Variants in SNTB1 observed in about 807,000 individuals in gnomAD.
SNTB1 encodes the protein syntrophin beta 1.
In SNTB1, 36 loss-of-function variants were observed where a neutral mutation model predicts 48.9. The observed-to-expected ratio is 0.74, with a 90% CI of 0.56 to 0.97. The LOEUF (loss-of-function observed/expected upper bound fraction) is 0.97, where lower values mean the gene tolerates loss of function less well. Among genes scored for constraint, SNTB1 ranks in the 50% least tolerant of loss-of-function variants. SNTB1 has a pLI of 0.00. For missense variants in SNTB1, 786 were observed against 703.4 expected, an observed-to-expected ratio of 1.12 and a Z score of -1.33; for synonymous variants, 299 against 294.6, an observed-to-expected ratio of 1.01 and a Z score of -0.15.
At chr8:120,735,726 G>C (rs1818930543) in intron 1 of SNTB1, among the ~76,000 whole-genome samples, 1 of 152,134 alleles carries the variant, frequency 6.6e-6, no homozygotes, top group Admixed American at 6.6e-5. Context: ...ATGTCTGCTG[G>C]CCAAGCCATA....
At chr8:120,571,632 G>A (rs1815854615) in intron 4 of SNTB1, among the ~76,000 whole-genome samples, 7 of 151,714 alleles carry the variant, frequency 4.6e-5, no homozygotes. Flanking sequence ...TGAGCAGCTG[G>A]GAACCACAGT....
At chr8:120,751,500 C>T (rs1819213847) in intron 1 of SNTB1, among the ~76,000 whole-genome samples, 1 of 151,978 alleles carries the variant, frequency 6.6e-6, no homozygotes, top group African/African-American at 2.4e-5. Context: ...GAAATCTGTC[C>T]CCATGATCAT....
At chr8:120,592,555 C>A (rs746198282) in intron 3 of SNTB1, among the ~76,000 whole-genome samples, 5 of 152,098 alleles carry the variant, frequency 3.3e-5, no homozygotes, top group Non-Finnish European at 7.4e-5. Context: ...AATATGTATT[C>A]TTTCATGCTA....
chr8:120,582,965 T>C (rs909204740), intron 3 of SNTB1, among the ~76,000 whole-genome samples: 5 of 152,076 alleles, frequency 3.3e-5, no homozygotes, highest in African/African-American at 1.2e-4. Flanking sequence ...CATCACTACA[T>C]AGTCTGCAGA....
chr8:120,747,074 AAG>A (rs200986780), intron 1 of SNTB1, among the ~76,000 whole-genome samples: 1 of 115,866 alleles, frequency 8.6e-6, no homozygotes, highest in African/African-American at 4.1e-5. Flanking sequence ...TTAAGTAAAA[AAG>A]AAAAAAAAAG....
chr8:120,542,710 C>CCACA (rs5894525), intron 5 of SNTB1, among the ~76,000 whole-genome samples: 2 of 149,524 alleles, frequency 1.3e-5, no homozygotes, highest in Admixed American at 6.7e-5. Context: ...ACCTTATCAT[C>CCACA]CACACACACA....
chr8:120,602,230 AG>A (rs2130720227), intron 3 of SNTB1, among the ~76,000 whole-genome samples: 1 of 152,346 alleles, frequency 6.6e-6, no homozygotes, highest in Non-Finnish European at 1.5e-5. Context: ...CACACAGGTG[AG>A]TGTGCAAATG....
intron 2 of SNTB1, among the ~76,000 whole-genome samples, chr8:120,636,328 G>C (rs1587050734): frequency 6.9e-6 from 1 of 145,976 alleles, no homozygotes; most frequent in South Asian, 2.2e-4. Flanking sequence ...TGCCATGCTG[G>C]TGCGCTGCAC....
chr8:120,711,842 A>G (rs1196796351), intron 1 of SNTB1, among the ~76,000 whole-genome samples: 1 of 152,156 alleles, frequency 6.6e-6, no homozygotes, highest in Non-Finnish European at 1.5e-5. Context: ...AGTAGTATAT[A>G]TTGTTTGTCA....
chr8:120,810,630 C>G (rs768868858), intron 1 of SNTB1, among the ~76,000 whole-genome samples: 2 of 152,246 alleles, frequency 1.3e-5, no homozygotes, highest in South Asian at 4.1e-4. Flanking sequence ...GAATTTTTCC[C>G]AAAACTGCAA....
intron 1 of SNTB1, among the ~76,000 whole-genome samples, chr8:120,732,755 A>G (rs558282547): frequency 6.6e-6 from 1 of 152,332 alleles, no homozygotes; most frequent in East Asian, 1.9e-4. Flanking sequence ...CTGAGGCAGG[A>G]GAATCATTTG....
intron 3 of SNTB1, among the ~76,000 whole-genome samples, chr8:120,583,514 AAC>A (rs10524445): frequency 0.034 from 4,875 of 143,036 alleles, 179 homozygotes; most frequent in African/African-American, 0.093. Flanking sequence ...TCCGTCTCAA[AAC>A]ACACACACAC....
chr8:120,735,017 G>T (rs1414921219), intron 1 of SNTB1, among the ~76,000 whole-genome samples: 1 of 152,186 alleles, frequency 6.6e-6, no homozygotes, highest in African/African-American at 2.4e-5. Context: ...GTCAGGAAAA[G>T]CAGTCAAACT....
intron 3 of SNTB1, among the ~76,000 whole-genome samples, chr8:120,630,597 C>T (rs889126918): frequency 4.6e-5 from 7 of 152,196 alleles, no homozygotes; most frequent in African/African-American, 1.4e-4. Context: ...AGAAACTTAA[C>T]CAAGTGAGAG....
In SNTB1 at chr8:120,576,718, TG is replaced by T. The variant is rs983875466; in HGVS notation, c.997-1494del. On this transcript the variant is annotated intron_variant, in intron 3 of 6. Transcript: ENST00000517992. ...CCCAGTTTACTAGCTGTGGGGGTCTTGGGCAAGTCAACTAATTTCTTTGTAT... is the reference window on the plus strand; with the variant it reads ...CCCAGTTTACTAGCTGTGGGGGTCTTGGCAAGTCAACTAATTTCTTTGTAT... 7.9e-4 allele frequency among the ~76,000 whole-genome samples: 120 copies of T among 152,304 alleles called. 1 individual carries two copies. The highest frequency in any genetic ancestry group is 2.6e-3 in the African/African-American group (109 of 41,552).
Position 120,754,726 on chromosome 8 carries a change from G to A in SNTB1, c.571+56547C>T, listed in dbSNP as rs551676009. On this transcript the variant is annotated intron_variant, in intron 1 of 6. Transcript: ENST00000517992. ...GAAAAGCAATGGGAGAAGCTGGTTT[G>A]AAGGCCAGTCCTTCAGTGTACTGTC... Among the ~76,000 whole-genome samples the A allele has an allele frequency of 3.9e-5, 6 of 152,278 alleles. No individual in the cohort carries two copies. The East Asian group carries it at 1.2e-3, about 29-fold the overall frequency.
chr8:120,693,997 G>T, intron 1 of SNTB1, 89 bp from the exon 2 acceptor site: 1 of 1,028,030 alleles, frequency 9.7e-7, no homozygotes, highest in South Asian at 1.3e-5. Flanking sequence ...GACTTGCTTT[G>T]GATAAGCTCT....
intron 1 of SNTB1, among the ~76,000 whole-genome samples, chr8:120,726,882 C>T (rs1394129370): frequency 6.6e-6 from 1 of 152,186 alleles, no homozygotes; most frequent in Non-Finnish European, 1.5e-5. Context: ...GCATTACTAG[C>T]ACTAATAGTC....
intron 1 of SNTB1, among the ~76,000 whole-genome samples, chr8:120,771,625 G>C (rs75037499): frequency 2.0e-5 from 3 of 151,716 alleles, no homozygotes. Flanking sequence ...ACTTCAGCTC[G>C]AGGGTGTGAC....
Sources: gnomAD v4.1 joint callset for allele counts (sites outside exome capture counted in the v4.1 genomes callset) on GRCh38, gnomAD v4.1.1 for gene constraint, MANE v1.5 for transcripts, NCBI Gene and HGNC (gene_info 2026-07-23, HGNC 2026-07-21) for gene names.